The following PCDH17 variants were observed in gnomAD, a reference collection of about 807,000 sequenced individuals.
PCDH17 encodes the protein protocadherin 17, also known as protocadherin-17.
Under a neutral mutation model 67.7 loss-of-function variants are expected in PCDH17, and 21 were observed. That is an observed-to-expected ratio of 0.31 (90% confidence interval 0.22 to 0.45). PCDH17 has a LOEUF of 0.45. PCDH17 is among the 20% of genes least tolerant of loss of function. PCDH17 has a pLI of 1.00. For missense variants in PCDH17, 1,471 were observed against 1,564.8 expected (o/e 0.94, Z 1.01); for synonymous variants, 701 against 656.7 (o/e 1.07, Z -1.03).
At position 57,724,988 on chromosome 13, in the gene PCDH17, A is replaced by C; in HGVS notation, c.3174A>C (p.Glu1058Asp). Residue 1058 changes from glutamate to aspartate, a missense_variant, in exon 4 of 4, where the codon GAA becomes GAC. By Grantham distance (45) the Glu-to-Asp change is conservative. This residue lies in a region of PCDH17 where 297 missense variants were observed against 298.6 expected (regional missense o/e 0.99). Transcript: ENST00000377918. The stretch of plus-strand genomic sequence containing the variant: ...CAAAAGGCTCCCTGGATGGCTGTGA[A>C]GCAAAACCAGGAGCCCTGGCTGAAG... The part of the protein sequence containing the change: ...TSTKGSLDGC[E>D]AKPGALAEAS... 1 of 1,614,146 alleles carries C rather than the reference A, an allele frequency of 6.2e-7. No individual in the cohort carries two copies. The highest frequency in any genetic ancestry group is 8.5e-7 in the Non-Finnish European group (1 of 1,180,008).
chr13:57,693,095 T>C (rs1955573763), intron 3 of PCDH17, among the ~76,000 whole-genome samples: 1 of 150,502 alleles, frequency 6.6e-6, no homozygotes, highest in Non-Finnish European at 1.5e-5. Context: ...TGTACTTATC[T>C]CCAGGGATAT....
intron 3 of PCDH17, 123 bp downstream of exon 3, chr13:57,666,956 C>A: frequency 2.7e-6 from 2 of 729,926 alleles, no homozygotes; most frequent in Non-Finnish European, 3.9e-6. Context: ...AAAGAAACAG[C>A]AAATCTTGAG....
intron 3 of PCDH17, among the ~76,000 whole-genome samples, chr13:57,721,221 G>A (rs1433862162): frequency 6.6e-6 from 1 of 152,032 alleles, no homozygotes; most frequent in Non-Finnish European, 1.5e-5. Context: ...ATTCTATGAA[G>A]GGGTGATCAT....
In PCDH17 at chr13:57,633,282, C is replaced by T. The variant is rs1255605909; in HGVS notation, c.736C>T (p.Pro246Ser). Residue 246 changes from proline (P) to serine (S), a missense_variant, in exon 1 of 4, where the codon CCA becomes TCA. By Grantham distance (74) the Pro-to-Ser change is moderately conservative. Transcript: ENST00000377918. This position sits in a 1 kb window ranked among gnomAD's most constrained non-coding sequence, Gnocchi z 6.2. ...SNDNSPVFEA[P>S]SYLVELPENA... ...CGACAACAGCCCGGTCTTCGAGGCG[C>T]CATCCTACTTGGTGGAACTGCCCGA... 1 of 1,613,344 alleles carries T rather than the reference C, an allele frequency of 6.2e-7. No homozygotes were observed. The highest frequency in any genetic ancestry group is 1.7e-5 in the Admixed American group (1 of 60,022).
At chr13:57,671,587 T>G (rs1041397669) in intron 3 of PCDH17, among the ~76,000 whole-genome samples, 1 of 152,064 alleles carries the variant, frequency 6.6e-6, no homozygotes, top group Non-Finnish European at 1.5e-5. Context: ...TAACTTTTTC[T>G]TCATGAAAAG....
intron 3 of PCDH17, among the ~76,000 whole-genome samples, chr13:57,700,289 A>G (rs539358034): frequency 2.0e-5 from 3 of 151,506 alleles, no homozygotes; most frequent in Non-Finnish European, 2.9e-5. Context: ...TAAAATATAA[A>G]CTATCGCACA....
intron 3 of PCDH17, among the ~76,000 whole-genome samples, chr13:57,669,181 T>C (rs747687229): frequency 3.3e-5 from 5 of 152,140 alleles, no homozygotes; most frequent in Non-Finnish European, 5.9e-5. Context: ...GTTAAAATAA[T>C]ATTTCACTGA....
intron 1 of PCDH17, among the ~76,000 whole-genome samples, chr13:57,660,705 C>T (rs1194803799): frequency 6.6e-6 from 1 of 152,304 alleles, no homozygotes; most frequent in East Asian, 1.9e-4. Flanking sequence ...CCTTTCACCC[C>T]TAGCAACCAC....
chr13:57,696,077 A>G (rs571364070), intron 3 of PCDH17, among the ~76,000 whole-genome samples: 2 of 151,486 alleles, frequency 1.3e-5, no homozygotes, highest in East Asian at 3.9e-4. Flanking sequence ...ATGGGAAAAC[A>G]GTGTGTGAAC....
rs529070831 is a variant in PCDH17, at chr13:57,672,697, A to G, written c.2797+5864A>G. ...ATCTTCCCTATAACTGACACTAAAT[A>G]GAAAAGTAGTAGAACTGTTTCTTTC... On this transcript the variant is annotated intron_variant, in intron 3 of 3. Coordinates refer to ENST00000377918, the MANE Select transcript of PCDH17 (RefSeq NM_001040429.3). 3.9e-5 allele frequency among the ~76,000 whole-genome samples: 6 copies of G among 152,138 alleles called. No homozygotes were observed. The East Asian group carries it at 1.2e-3, about 30-fold the overall frequency.
At chr13:57,696,820 G>A (rs776795359) in intron 3 of PCDH17, among the ~76,000 whole-genome samples, 8 of 151,360 alleles carry the variant, frequency 5.3e-5, no homozygotes, top group Non-Finnish European at 1.2e-4. Flanking sequence ...TTTCTAAATG[G>A]CAGTGAAATT....
intron 3 of PCDH17, among the ~76,000 whole-genome samples, chr13:57,673,418 C>T (rs1955349184): frequency 6.6e-6 from 1 of 151,962 alleles, no homozygotes; most frequent in Non-Finnish European, 1.5e-5. Context: ...TTAACCTAAC[C>T]ACTCAATCAG....
intron 1 of PCDH17, 150 bp from the exon 2 acceptor site, chr13:57,666,318 C>T: frequency 1.5e-6 from 1 of 646,512 alleles, no homozygotes; most frequent in Non-Finnish European, 2.8e-6. Flanking sequence ...AATTACATGT[C>T]AGCAATTTCC....
chr13:57,642,085 C>T (rs1159282289), intron 1 of PCDH17, among the ~76,000 whole-genome samples: 1 of 151,526 alleles, frequency 6.6e-6, no homozygotes, highest in Non-Finnish European at 1.5e-5. Flanking sequence ...AATAGTGATA[C>T]ACCATATTTA....
intron 1 of PCDH17, among the ~76,000 whole-genome samples, chr13:57,643,191 CAT>C (rs1477931649): frequency 6.6e-6 from 1 of 151,484 alleles, no homozygotes. Flanking sequence ...TACCTAACCA[CAT>C]GTGTAAAGTG....
Position 57,725,530 on chromosome 13 carries a change from T to A in PCDH17, c.*236T>A. 4 of 420,638 alleles carry A rather than the reference T, an allele frequency of 9.5e-6. No homozygotes were observed. In the South Asian group the frequency reaches 1.7e-4, roughly 18 times the overall value. 26.1% of individuals were successfully genotyped at this position (420,638 alleles called of 1,614,324 possible). On this transcript the variant is annotated 3_prime_UTR_variant, in exon 4 of 4. Coordinates refer to ENST00000377918, the MANE Select transcript of PCDH17 (RefSeq NM_001040429.3). The stretch of plus-strand genomic sequence containing the variant: ...GTATTAGGACAGAATTAATGATGCT[T>A]AAAGAGAAAAGAAAAAAAGAGAGAA...
chr13:57,682,633 T>G (rs1955464049), intron 3 of PCDH17, among the ~76,000 whole-genome samples: 1 of 151,756 alleles, frequency 6.6e-6, no homozygotes, highest in South Asian at 2.1e-4. Context: ...TGTTGTTGTT[T>G]TTGCACCAAC....
chr13:57,680,895 A>G (rs534061554), intron 3 of PCDH17, among the ~76,000 whole-genome samples: 2 of 151,916 alleles, frequency 1.3e-5, no homozygotes, highest in South Asian at 2.1e-4. Context: ...TATGTTAAAT[A>G]TAATTCCTAA....
At chr13:57,700,377 G>A (rs1955650807) in intron 3 of PCDH17, among the ~76,000 whole-genome samples, 1 of 146,906 alleles carries the variant, frequency 6.8e-6, no homozygotes, top group South Asian at 2.2e-4. Flanking sequence ...GGATTGCAGT[G>A]GCGTGATCTT....
Sources: allele counts gnomAD v4.1 joint callset (sites outside exome capture counted in the v4.1 genomes callset), GRCh38; gene constraint gnomAD v4.1.1; regional missense constraint gnomAD v4.1.1; non-coding constraint Gnocchi (gnomAD v3.1); transcripts MANE v1.5; gene names NCBI Gene and HGNC (gene_info 2026-07-23, HGNC 2026-07-21).